Variants in HS6ST3 observed in about 807,000 individuals in gnomAD.
The protein encoded by HS6ST3 is heparan sulfate 6-O-sulfotransferase 3, also known as heparan-sulfate 6-O-sulfotransferase 3.
In HS6ST3, 12 loss-of-function variants were observed where a neutral mutation model predicts 36.7. The ratio of observed to expected loss-of-function variants is 0.33; its 90% CI spans 0.21 to 0.53. The LOEUF is 0.53. Ranked by LOEUF, HS6ST3 falls within the 20% of genes least tolerant of loss-of-function variation. The pLI is 0.95. For missense variants in HS6ST3, 584 were observed against 640.9 expected (o/e 0.91, Z 0.96); for synonymous variants, 240 against 257.5 (o/e 0.93, Z 0.65).
intron 1 of HS6ST3, among the ~76,000 whole-genome samples, chr13:96,417,113 G>GA (rs1005425159): frequency 2.0e-5 from 3 of 152,174 alleles, no homozygotes; most frequent in Non-Finnish European, 4.4e-5. Context: ...GACATTGGAA[G>GA]AATTATTATC....
intron 1 of HS6ST3, among the ~76,000 whole-genome samples, chr13:96,543,417 G>A (rs936842996): frequency 3.9e-5 from 6 of 152,130 alleles, no homozygotes; most frequent in Admixed American, 1.3e-4. Flanking sequence ...AAAAAGAAGC[G>A]CAGTCTTCAC....
chr13:96,253,681 T>C (rs1184179486), intron 1 of HS6ST3, among the ~76,000 whole-genome samples: 1 of 152,206 alleles, frequency 6.6e-6, no homozygotes, highest in Non-Finnish European at 1.5e-5. Flanking sequence ...ATTCCTTTCC[T>C]TCCCCCTGGC....
intron 1 of HS6ST3, among the ~76,000 whole-genome samples, chr13:96,433,418 A>G (rs2055626045): frequency 6.6e-6 from 1 of 152,186 alleles, no homozygotes; most frequent in Non-Finnish European, 1.5e-5. Context: ...TCAGGTGGAG[A>G]TAATTGAATC....
intron 1 of HS6ST3, among the ~76,000 whole-genome samples, chr13:96,565,066 G>T (rs912222526): frequency 6.6e-6 from 1 of 151,844 alleles, no homozygotes; most frequent in Middle Eastern, 3.4e-3. Context: ...TGGAGAGCTC[G>T]GGACTTCTGC....
intron 1 of HS6ST3, among the ~76,000 whole-genome samples, chr13:96,145,395 T>A (rs955065865): frequency 6.6e-6 from 1 of 151,834 alleles, no homozygotes; most frequent in African/African-American, 2.4e-5. Flanking sequence ...TGCATTTCTC[T>A]GATGGCCAGT....
intron 1 of HS6ST3, among the ~76,000 whole-genome samples, chr13:96,327,814 A>G (rs1354766241): frequency 1.3e-5 from 2 of 151,884 alleles, no homozygotes; most frequent in African/African-American, 4.8e-5. Flanking sequence ...ACCCATGAGC[A>G]TGGAATGTCC....
At chr13:96,806,868 T>C (rs1011936206) in intron 1 of HS6ST3, among the ~76,000 whole-genome samples, 3 of 152,212 alleles carry the variant, frequency 2.0e-5, no homozygotes, top group Non-Finnish European at 4.4e-5. Context: ...AGCTGATATA[T>C]GCCAAGTCTG....
chr13:96,130,193 G>A (rs1246564829), intron 1 of HS6ST3, among the ~76,000 whole-genome samples: 1 of 152,104 alleles, frequency 6.6e-6, no homozygotes, highest in East Asian at 1.9e-4. Flanking sequence ...ACTTTACTTG[G>A]TAGGGAATCT....
intron 1 of HS6ST3, among the ~76,000 whole-genome samples, chr13:96,202,111 G>A (rs1158463354): frequency 6.6e-6 from 1 of 152,130 alleles, no homozygotes; most frequent in Non-Finnish European, 1.5e-5. Context: ...ATACATTGCA[G>A]TGGCTATAAA....
Position 96,357,819 on chromosome 13 carries a change from G to C in HS6ST3, c.707+266250G>C, listed in dbSNP as rs536255343. 1.8e-4 allele frequency among the ~76,000 whole-genome samples: 28 copies of C among 152,188 alleles called. 1 individual carries two copies. In the South Asian group the frequency reaches 5.8e-3, roughly 32 times the overall value. ...TTACAGACGTGAGCCATTGCAGCTG[G>C]CCAAGTTCACCATCTCACGTGGGCT... On this transcript the variant is annotated intron_variant, in intron 1 of 1. Transcript: ENST00000376705.
At chr13:96,356,005 A>G (rs1395179066) in intron 1 of HS6ST3, among the ~76,000 whole-genome samples, 1 of 152,196 alleles carries the variant, frequency 6.6e-6, no homozygotes, top group Non-Finnish European at 1.5e-5. Flanking sequence ...TTGCTCATCC[A>G]TGAGAAGCAA....
intron 1 of HS6ST3, among the ~76,000 whole-genome samples, chr13:96,752,158 A>G (rs1876717087): frequency 6.6e-6 from 1 of 152,138 alleles, no homozygotes; most frequent in South Asian, 2.1e-4. Flanking sequence ...CGGTATCACA[A>G]TCCGTGTAGT....
intron 1 of HS6ST3, among the ~76,000 whole-genome samples, chr13:96,666,522 C>T (rs1383928831): frequency 6.6e-6 from 1 of 151,912 alleles, no homozygotes; most frequent in African/African-American, 2.4e-5. Flanking sequence ...TACTATTATA[C>T]TATAGTAGTA....
intron 1 of HS6ST3, among the ~76,000 whole-genome samples, chr13:96,282,429 A>G (rs970104551): frequency 2.0e-5 from 3 of 152,182 alleles, no homozygotes; most frequent in Non-Finnish European, 2.9e-5. Flanking sequence ...AGACACATCC[A>G]TGTGTATTGA....
chr13:96,691,751 G>A (rs1024503211), intron 1 of HS6ST3, among the ~76,000 whole-genome samples: 35 of 152,168 alleles, frequency 2.3e-4, no homozygotes, highest in Middle Eastern at 3.4e-3. Flanking sequence ...AAATTTGGAT[G>A]TGTAACCTAA....
intron 1 of HS6ST3, among the ~76,000 whole-genome samples, chr13:96,722,992 T>TGTGTGG (rs1875890395): frequency 7.5e-6 from 1 of 133,894 alleles, no homozygotes. Context: ...AATATACGTG[T>TGTGTGG]GTGTGTGTGT....
At chr13:96,351,335 T>TTTTTTTTTTTTTTTTA (rs1203595829) in intron 1 of HS6ST3, among the ~76,000 whole-genome samples, 22 of 146,364 alleles carry the variant, frequency 1.5e-4, no homozygotes, top group African/African-American at 5.2e-4. Context: ...TTTTTTTTTT[T>TTTTTTTTTTTTTTTTA]AAAAAAAACA....
At chr13:96,546,794 T>A (rs902347545) in intron 1 of HS6ST3, among the ~76,000 whole-genome samples, 4 of 152,158 alleles carry the variant, frequency 2.6e-5, no homozygotes, top group African/African-American at 9.7e-5. Flanking sequence ...CATTTGCATA[T>A]TAAAGATTCA....
At chr13:96,300,597 GA>G (rs1252496881) in intron 1 of HS6ST3, among the ~76,000 whole-genome samples, 1 of 151,790 alleles carries the variant, frequency 6.6e-6, no homozygotes, top group Admixed American at 6.6e-5. Flanking sequence ...TTTCTTTCAT[GA>G]AAAAAAGTTT....
Sources: allele counts gnomAD v4.1 joint callset (sites outside exome capture counted in the v4.1 genomes callset), GRCh38; gene constraint gnomAD v4.1.1; transcripts MANE v1.5; gene names NCBI Gene and HGNC (gene_info 2026-07-23, HGNC 2026-07-21).